Variants in CRYZL1 observed in about 807,000 individuals in gnomAD.
CRYZL1 encodes the protein crystallin zeta like 1, also known as ferry endosomal RAB5 effector complex subunit 4.
In CRYZL1, 34 loss-of-function variants were observed where a neutral mutation model predicts 50.6. The ratio of observed to expected loss-of-function variants is 0.67; its 90% CI spans 0.51 to 0.89. CRYZL1 has a LOEUF of 0.89. CRYZL1 is among the 40% of genes least tolerant of loss of function. The probability of loss-of-function intolerance (pLI) is 0.00; values close to 1 mark genes in which losing one functional copy is unlikely to be tolerated. For synonymous variants in CRYZL1, 125 were observed against 134.3 expected, an observed-to-expected ratio of 0.93 and a Z score of 0.48; for missense variants, 354 against 402.3, an observed-to-expected ratio of 0.88 and a Z score of 1.03.
In CRYZL1 at chr21:33,627,031, T is replaced by C. The variant is rs192914855; in HGVS notation, c.67-2271A>G. 3.9e-5 allele frequency among the ~76,000 whole-genome samples: 6 copies of C among 152,334 alleles called. No individual in the cohort carries two copies. The East Asian group carries it at 1.2e-3, about 29-fold the overall frequency. On this transcript the variant is annotated intron_variant, in intron 2 of 12. Coordinates refer to ENST00000381554, the MANE Select transcript of CRYZL1 (RefSeq NM_145858.3). Reference sequence around the variant, plus strand: ...ATGTTCATTAATATTGGTGAGTTTGTGAATTTTACTCATGATTTTGTGAAC... The same window carrying C: ...ATGTTCATTAATATTGGTGAGTTTGCGAATTTTACTCATGATTTTGTGAAC...
chr21:33,613,483 A>G, intron 6 of CRYZL1, 55 bp downstream of exon 6: 2 of 1,140,000 alleles, frequency 1.8e-6, no homozygotes, highest in Non-Finnish European at 2.6e-6. Flanking sequence ...TTATTAAACC[A>G]TATGTCAGTG....
intron 11 of CRYZL1, among the ~76,000 whole-genome samples, chr21:33,593,469 C>T (rs999642656): frequency 6.6e-6 from 1 of 152,148 alleles, no homozygotes; most frequent in African/African-American, 2.4e-5. Flanking sequence ...CTGCAAGTTC[C>T]CTTCCTACTG....
At chr21:33,637,231 G>C (rs2087217734) in intron 1 of CRYZL1, among the ~76,000 whole-genome samples, 2 of 152,050 alleles carry the variant, frequency 1.3e-5, no homozygotes, top group Non-Finnish European at 2.9e-5. Context: ...GGATCACGAG[G>C]TCAGGAGATG....
chr21:33,602,070 G>C (rs1311507779), intron 8 of CRYZL1, among the ~76,000 whole-genome samples, 164 bp downstream of exon 8: 1 of 151,426 alleles, frequency 6.6e-6, no homozygotes, highest in Non-Finnish European at 1.5e-5. Flanking sequence ...AAACTCCTGG[G>C]CTCAAGCAAT....
chr21:33,609,713 CAGA>C (rs2086849564), intron 6 of CRYZL1, among the ~76,000 whole-genome samples: 1 of 151,540 alleles, frequency 6.6e-6, no homozygotes, highest in African/African-American at 2.4e-5. Context: ...CTTTTCTTTT[CAGA>C]CAGAGTCTCG....
intron 6 of CRYZL1, among the ~76,000 whole-genome samples, chr21:33,609,440 T>C (rs1218216687): frequency 1.3e-5 from 2 of 151,836 alleles, no homozygotes; most frequent in Admixed American, 6.6e-5. Flanking sequence ...GCTGGGACTA[T>C]AGGCACACAC....
intron 11 of CRYZL1, 105 bp downstream of exon 11, chr21:33,595,626 T>A: frequency 6.5e-7 from 1 of 1,526,854 alleles, no homozygotes; most frequent in Non-Finnish European, 8.9e-7. Context: ...TTTGGAATAC[T>A]TAAGGAAACT....
At chr21:33,597,071 T>C (rs764033004) in intron 10 of CRYZL1, among the ~76,000 whole-genome samples, 27 of 151,888 alleles carry the variant, frequency 1.8e-4, no homozygotes, top group Admixed American at 5.2e-4. Flanking sequence ...GGTTTCACCA[T>C]GTTGGCCAGG....
rs750969032 is a variant in CRYZL1, at chr21:33,612,206, TC to T, written c.331+1331del. 3.9e-5 allele frequency among the ~76,000 whole-genome samples: 6 copies of T among 152,326 alleles called. No individual in the cohort carries two copies. The South Asian group carries it at 6.2e-4, about 16-fold the overall frequency. On this transcript the variant is annotated intron_variant, in intron 6 of 12. Coordinates refer to ENST00000381554, the MANE Select transcript of CRYZL1 (RefSeq NM_145858.3). The stretch of plus-strand genomic sequence containing the variant: ...TTAATTAGATAAAGCTAAATTGTTT[TC>T]TAACATATTTGTACCAACTTACACT...
rs1427911098 is a variant in CRYZL1 at position 33,631,526 on chromosome 21, C to T, written c.26G>A (p.Ser9Asn). 2.0e-6 allele frequency: 3 copies of T among 1,517,440 alleles called. No individual in the cohort carries two copies. Among genetic ancestry groups the T allele is most frequent in the Non-Finnish European group, 2.6e-6 (3 of 1,138,090 alleles). The allele number at this position is 1,517,440 out of a possible 1,614,324, so 94.0% of individuals were successfully genotyped here. The change falls in exon 2 of 13, where the codon AGT (serine) becomes AAT (asparagine). Residue 9 changes from serine to asparagine, a missense_variant. Physicochemically the swap from Ser to Asn is conservative, Grantham distance 46. Coordinates refer to ENST00000381554, the MANE Select transcript of CRYZL1 (RefSeq NM_145858.3). MKGLYFQQ[S>N]STDEEITFVF... Reference sequence around the variant, plus strand: ...AAATGTTATTTCTTCATCTGTGGAACTCTGTTGGAAATATAAGCCTTTCAT... The same window carrying T: ...AAATGTTATTTCTTCATCTGTGGAATTCTGTTGGAAATATAAGCCTTTCAT...
At chr21:33,590,224 C>G (rs905827107) in intron 12 of CRYZL1, among the ~76,000 whole-genome samples, 2 of 152,118 alleles carry the variant, frequency 1.3e-5, no homozygotes, top group African/African-American at 4.8e-5. Context: ...ACCATGTTGG[C>G]CAGGCTGGTC....
At chr21:33,598,755 C>A (rs987022945) in intron 9 of CRYZL1, among the ~76,000 whole-genome samples, 10 of 151,828 alleles carry the variant, frequency 6.6e-5, no homozygotes, top group African/African-American at 2.4e-4. Context: ...GCATTAAATG[C>A]TGCCCAACAC....
At chr21:33,608,928 TAC>T (rs555576617) in intron 6 of CRYZL1, among the ~76,000 whole-genome samples, 211 of 152,320 alleles carry the variant, frequency 1.4e-3, no homozygotes, top group African/African-American at 4.9e-3. Flanking sequence ...GGAACATTCA[TAC>T]ACTTTCCATA....
chr21:33,612,843 T>A (rs2086888287), intron 6 of CRYZL1, among the ~76,000 whole-genome samples: 1 of 152,144 alleles, frequency 6.6e-6, no homozygotes, highest in Admixed American at 6.5e-5. Flanking sequence ...GCTCTTTTTT[T>A]TTCTTTTTTG....
At chr21:33,621,074 T>G (rs1478218505) in intron 4 of CRYZL1, among the ~76,000 whole-genome samples, 1 of 147,160 alleles carries the variant, frequency 6.8e-6, no homozygotes. Flanking sequence ...CCCGGCTAAT[T>G]TTTTGTATTT....
chr21:33,590,698 G>A (rs535293276), intron 12 of CRYZL1, among the ~76,000 whole-genome samples: 83 of 152,308 alleles, frequency 5.4e-4, no homozygotes, highest in African/African-American at 2.0e-3. Flanking sequence ...TTACAGGCGT[G>A]AGCCACCACG....
chr21:33,616,925 T>C, intron 4 of CRYZL1, 175 bp from the exon 5 acceptor site: 2 of 457,564 alleles, frequency 4.4e-6, no homozygotes, highest in Non-Finnish European at 7.6e-6. Context: ...CTACAGGATA[T>C]ACAGCACTTC....
chr21:33,605,262 C>G (rs925346012), intron 6 of CRYZL1, among the ~76,000 whole-genome samples: 1 of 144,360 alleles, frequency 6.9e-6, no homozygotes, highest in Non-Finnish European at 1.6e-5. Flanking sequence ...AACTTTGTGC[C>G]TTCTGTTTTC....
At chr21:33,601,562 C>G (rs2086756842) in intron 8 of CRYZL1, among the ~76,000 whole-genome samples, 1 of 151,836 alleles carries the variant, frequency 6.6e-6, no homozygotes, top group South Asian at 2.1e-4. Flanking sequence ...ATGGGGCAAA[C>G]AGGAAAAAAC....
Sources: allele counts gnomAD v4.1 joint callset (sites outside exome capture counted in the v4.1 genomes callset), GRCh38; gene constraint gnomAD v4.1.1; transcripts MANE v1.5; gene names NCBI Gene and HGNC (gene_info 2026-07-23, HGNC 2026-07-21).